CDC40: variants seen among roughly 807,000 people sequenced by gnomAD.
CDC40 encodes cell division cycle 40, also known as pre-mRNA-processing factor 17.
Under a neutral mutation model 80.6 loss-of-function variants are expected in CDC40, and 27 were observed. That is an observed-to-expected ratio of 0.33 (90% CI 0.25 to 0.46). The LOEUF is 0.46. CDC40 is among the 20% of genes least tolerant of loss of function. The probability of loss-of-function intolerance (pLI) is 1.00; values close to 1 mark genes in which losing one functional copy is unlikely to be tolerated. For missense variants in CDC40, 486 were observed against 694.1 expected (o/e 0.70, Z 3.37); for synonymous variants, 221 against 232.6 (o/e 0.95, Z 0.45).
At chr6:110,224,644 C>T (rs527966576) in intron 12 of CDC40, among the ~76,000 whole-genome samples, 82 of 152,312 alleles carry the variant, frequency 5.4e-4, no homozygotes, top group African/African-American at 1.9e-3. Context: ...CCACCTTGGC[C>T]TCCCAAAGTG....
At chr6:110,181,088 C>G (rs1303625588) in intron 1 of CDC40, among the ~76,000 whole-genome samples, 1 of 152,188 alleles carries the variant, frequency 6.6e-6, no homozygotes, top group African/African-American at 2.4e-5. Flanking sequence ...CTCACCTGTA[C>G]AGTGGAGATC....
intron 3 of CDC40, among the ~76,000 whole-genome samples, chr6:110,205,577 C>T (rs1279542714): frequency 6.6e-6 from 1 of 152,138 alleles, no homozygotes; most frequent in African/African-American, 2.4e-5. Flanking sequence ...GAAAGCATAA[C>T]TTATTTTTCT....
intron 1 of CDC40, among the ~76,000 whole-genome samples, chr6:110,191,684 C>T (rs1292161942): frequency 6.6e-6 from 1 of 152,138 alleles, no homozygotes; most frequent in Non-Finnish European, 1.5e-5. Flanking sequence ...CAGGATTGTT[C>T]CTTGGCCTAT....
At chr6:110,207,478 TTAA>T (rs763127484) in intron 3 of CDC40, 25 bp from the exon 4 acceptor site, 2 of 1,118,084 alleles carry the variant, frequency 1.8e-6, no homozygotes, top group South Asian at 1.3e-5. Context: ...CAAAATGGAG[TTAA>T]TAATTTTCAC....
rs1394115457 is a variant in CDC40 at position 110,219,849 on chromosome 6, A to G, written c.1320A>G (p.Lys440=). 6.2e-7 allele frequency: 1 copy of G among 1,613,972 alleles called. No homozygotes were observed. The change falls in exon 12 of 15, where the codon AAA becomes AAG. Residue 440 remains lysine, a synonymous_variant. Coordinates refer to ENST00000307731, the MANE Select transcript of CDC40 (RefSeq NM_015891.3). ...GATTTGTGAGCACATCTGATGATAA[A>G]AGCCTAAGAGTTTGGGAATGGTGAG... ...NRRFVSTSDD[K]SLRVWEWDIP... is the part of the protein sequence containing the mutation.
At chr6:110,190,316 T>G (rs1397746245) in intron 1 of CDC40, among the ~76,000 whole-genome samples, 1 of 152,190 alleles carries the variant, frequency 6.6e-6, no homozygotes, top group East Asian at 1.9e-4. Flanking sequence ...GTGCTTGCTA[T>G]TTTTAAAAAT....
At chr6:110,226,913 G>T (rs1000473790) in intron 13 of CDC40, among the ~76,000 whole-genome samples, 12 of 151,930 alleles carry the variant, frequency 7.9e-5, no homozygotes, top group Admixed American at 7.2e-4. Context: ...CTAGCTACTT[G>T]GTCAGGCTGA....
At chr6:110,203,554 A>G (rs1777519814) in intron 3 of CDC40, among the ~76,000 whole-genome samples, 1 of 152,218 alleles carries the variant, frequency 6.6e-6, no homozygotes, top group Non-Finnish European at 1.5e-5. Flanking sequence ...CACTGCTGGA[A>G]TATAATACAA....
chr6:110,213,224 T>A, intron 8 of CDC40, 64 bp downstream of exon 8: 2 of 1,074,486 alleles, frequency 1.9e-6, no homozygotes, highest in Non-Finnish European at 1.4e-6. Flanking sequence ...TCTGTTTGAT[T>A]AATTATAAAT....
intron 2 of CDC40, among the ~76,000 whole-genome samples, chr6:110,200,447 G>GTT (rs59533305): frequency 0.072 from 10,968 of 152,178 alleles, 532 homozygotes; most frequent in African/African-American, 0.14. Flanking sequence ...GTCTTACAGA[G>GTT]TTCAGATGAA....
intron 1 of CDC40, among the ~76,000 whole-genome samples, chr6:110,189,836 C>A (rs1264720779): frequency 6.6e-6 from 1 of 152,172 alleles, no homozygotes; most frequent in Admixed American, 6.5e-5. Flanking sequence ...ATTTTCAGTA[C>A]AGATTTATAT....
intron 1 of CDC40, among the ~76,000 whole-genome samples, chr6:110,189,880 T>G (rs1284425998): frequency 4.6e-5 from 7 of 152,354 alleles, no homozygotes; most frequent in Non-Finnish European, 1.0e-4. Context: ...TTTACACCTC[T>G]GCCTCTTGCA....
In CDC40 at chr6:110,202,808, A is replaced by G. The variant is rs370806134; in HGVS notation, c.406+1121A>G. On this transcript the variant is annotated intron_variant, in intron 3 of 14. Transcript: ENST00000307731. ...CAAAAAATGAATTTGGGGCTATAGT[A>G]TATTAGGCAGCCTAAAATAAAGGCA... Among the ~76,000 whole-genome samples, 11 of 150,870 alleles carry G rather than the reference A, an allele frequency of 7.3e-5. No individual in the cohort carries two copies. The East Asian group carries it at 2.1e-3, about 29-fold the overall frequency.
intron 1 of CDC40, among the ~76,000 whole-genome samples, chr6:110,183,258 G>C (rs1777223771): frequency 6.6e-6 from 1 of 152,180 alleles, no homozygotes; most frequent in African/African-American, 2.4e-5. Context: ...CTGGGGTCCA[G>C]AGACTGTTGT....
At chr6:110,219,272 T>C in intron 10 of CDC40, 92 bp from the exon 11 acceptor site, 1 of 575,514 alleles carries the variant, frequency 1.7e-6, no homozygotes, top group Non-Finnish European at 3.1e-6. Flanking sequence ...CCTCAAAATG[T>C]ATTAAGCAGG....
intron 1 of CDC40, among the ~76,000 whole-genome samples, chr6:110,183,841 T>A (rs2114645795): frequency 6.6e-6 from 1 of 152,328 alleles, no homozygotes; most frequent in Non-Finnish European, 1.5e-5. Context: ...GATTTAATTT[T>A]TTTTTCTTTG....
chr6:110,197,174 T>C (rs1777429138), intron 2 of CDC40, among the ~76,000 whole-genome samples: 1 of 152,192 alleles, frequency 6.6e-6, no homozygotes, highest in Non-Finnish European at 1.5e-5. Context: ...AGAGTGCTTT[T>C]CTCCCAACTC....
Position 110,193,161 on chromosome 6 carries a change from T to C in CDC40, c.190-21T>C, listed in dbSNP as rs377292914. On this transcript the variant is annotated intron_variant, in intron 1 of 14. Transcript: ENST00000307731. ...ATAGTCATTTATCAGATCATTAATA[T>C]TTATTTGGTATTCTTTTTAGGAAGA... 289 of 1,442,864 alleles carry C rather than the reference T, an allele frequency of 2.0e-4. No homozygotes were observed. The African/African-American group carries it at 3.7e-3, about 19-fold the overall frequency. The allele number at this position is 1,442,864 out of a possible 1,614,324, so 89.4% of individuals were successfully genotyped here. A position where few individuals can be genotyped will look rare whatever the true frequency, so the allele number is the denominator to read the frequency against.
intron 1 of CDC40, among the ~76,000 whole-genome samples, chr6:110,183,263 T>C (rs1422392535): frequency 6.6e-6 from 1 of 152,218 alleles, no homozygotes; most frequent in African/African-American, 2.4e-5. Context: ...GTCCAGAGAC[T>C]GTTGTATCCA....
Sources: allele counts gnomAD v4.1 joint callset (sites outside exome capture counted in the v4.1 genomes callset), GRCh38; gene constraint gnomAD v4.1.1; transcripts MANE v1.5; gene names NCBI Gene and HGNC (gene_info 2026-07-23, HGNC 2026-07-21).